The following IL11RA variants were observed in gnomAD, a reference collection of about 807,000 sequenced individuals.
IL11RA encodes interleukin-11 receptor subunit alpha.
Under a neutral mutation model 57.0 loss-of-function variants are expected in IL11RA, and 51 were observed. That is an observed-to-expected ratio of 0.89 (90% confidence interval 0.71 to 1.13). The LOEUF is 1.13. Ranked by LOEUF, IL11RA falls within the 50% of genes most tolerant of loss-of-function variation. The pLI is 0.00. For synonymous variants in IL11RA, 199 were observed against 217.5 expected, an observed-to-expected ratio of 0.91 and a Z score of 0.75; for missense variants, 498 against 539.4, an observed-to-expected ratio of 0.92 and a Z score of 0.76.
chr9:34,655,385 T>C (rs1821324428), intron 2 of IL11RA, 68 bp downstream of exon 2: 1 of 1,003,392 alleles, frequency 1.0e-6, no homozygotes, highest in African/African-American at 1.6e-5. Flanking sequence ...CTGTGGCCCC[T>C]TCCCATGCCT....
At chr9:34,655,472 G>T in intron 2 of IL11RA, 133 bp from the exon 3 acceptor site, 1 of 906,116 alleles carries the variant, frequency 1.1e-6, no homozygotes, top group Non-Finnish European at 1.8e-6. Flanking sequence ...TCTGTCTCCA[G>T]ATTATAACAT....
Position 34,655,833 on chromosome 9 carries a change from T to C in IL11RA, c.161+168T>C, listed in dbSNP as rs936386895. On this transcript the variant is annotated intron_variant, in intron 3 of 12. Coordinates refer to ENST00000441545, the MANE Select transcript of IL11RA (RefSeq NM_001142784.3). ...TATTCAACAGAAAATTCAACTGGTA[T>C]GTTTTGAGCATCTGCCAAGTGCCAG... 1.8e-5 allele frequency: 13 copies of C among 702,840 alleles called. No homozygotes were observed. In the African/African-American group the frequency reaches 1.9e-4, roughly 10 times the overall value. 43.5% of individuals were successfully genotyped at this position (702,840 alleles called of 1,614,324 possible). A position where few individuals can be genotyped will look rare whatever the true frequency, so the allele number is the denominator to read the frequency against.
intron 1 of IL11RA, among the ~76,000 whole-genome samples, chr9:34,654,748 A>T (rs1821309393): frequency 6.6e-6 from 1 of 152,128 alleles, no homozygotes; most frequent in South Asian, 2.1e-4. Context: ...CCAGGGTGAT[A>T]AGGTCTGCCT....
intron 3 of IL11RA, chr9:34,655,968 G>A (rs1050881781): frequency 4.6e-6 from 2 of 437,886 alleles, no homozygotes; most frequent in African/African-American, 4.0e-5. Context: ...AATCTTGCCA[G>A]ATAGTAATAC....
At chr9:34,656,651 C>T (rs1821348102) in intron 3 of IL11RA, 88 bp from the exon 4 acceptor site, 2 of 1,455,150 alleles carry the variant, frequency 1.4e-6, no homozygotes, top group Non-Finnish European at 1.9e-6. Flanking sequence ...ATTGCAAATG[C>T]AGTTAGAAGC....
In IL11RA at chr9:34,657,150, G is replaced by T. The variant is rs762377674; in HGVS notation, c.446+1G>T. On this transcript the variant is annotated splice_donor_variant, in intron 5 of 12. Coordinates refer to ENST00000441545, the MANE Select transcript of IL11RA (RefSeq NM_001142784.3). LOFTEE classifies it high-confidence loss of function. ...CCACCCGCTACCTCACCTCCTACAG[G>T]TGTGTGTGTGATTGGGTGTGGATGC... The T allele has an allele frequency of 1.9e-6, 3 of 1,610,416 alleles. No individual in the cohort carries two copies. In the South Asian group the frequency reaches 3.3e-5, roughly 18 times the overall value.
In IL11RA at chr9:34,656,926, G is replaced by T; in HGVS notation, c.331+18G>T. ...GCTGGGCTGTGAGTTGGGGAGGGTG[G>T]CACTGATGACACATAGGGATCCTGA... On this transcript the variant is annotated intron_variant, in intron 4 of 12. Coordinates refer to ENST00000441545, the MANE Select transcript of IL11RA (RefSeq NM_001142784.3). The T allele has an allele frequency of 6.2e-7, 1 of 1,613,930 alleles. No individual in the cohort carries two copies.
In IL11RA at chr9:34,658,390, C is replaced by A; in HGVS notation, c.647-130C>A. 3.2e-6 allele frequency: 3 copies of A among 944,938 alleles called. No homozygotes were observed. Among genetic ancestry groups the A allele is most frequent in the Non-Finnish European group, 3.4e-6 (2 of 587,150 alleles). The allele number at this position is 944,938 out of a possible 1,614,324, so 58.5% of individuals were successfully genotyped here. On this transcript the variant is annotated intron_variant, in intron 7 of 12. Transcript: ENST00000441545. This position sits in a 1 kb window ranked among gnomAD's most constrained non-coding sequence, Gnocchi z 4.0. ...GACCGGTCTGAGTCTAATGGATGAT[C>A]AAGTTTAAGATTTCCCCTCCCCTCT...
At position 34,661,565 on chromosome 9, in the gene IL11RA, G is replaced by A; in HGVS notation, c.*67G>A. 2 of 1,504,810 alleles carry A rather than the reference G, an allele frequency of 1.3e-6. No homozygotes were observed. The highest frequency in any genetic ancestry group is 1.9e-6 in the Non-Finnish European group (2 of 1,080,152). 93.2% of individuals were successfully genotyped at this position (1,504,810 alleles called of 1,614,324 possible). A position where few individuals can be genotyped will look rare whatever the true frequency, so the allele number is the denominator to read the frequency against. Reference sequence around the variant, plus strand: ...TCTTGCTGGTGTGGATAGAAACCAGGCAGGACAGTAGATCCCTATGGTTGG... The same window carrying A: ...TCTTGCTGGTGTGGATAGAAACCAGACAGGACAGTAGATCCCTATGGTTGG... On this transcript the variant is annotated 3_prime_UTR_variant, in exon 13 of 13. Coordinates refer to ENST00000441545, the MANE Select transcript of IL11RA (RefSeq NM_001142784.3).
At chr9:34,655,747 T>A (rs564997240) in intron 3 of IL11RA, 82 bp downstream of exon 3, 1 of 1,159,244 alleles carries the variant, frequency 8.6e-7, no homozygotes, top group East Asian at 2.4e-5. Flanking sequence ...GCCCCTCCCA[T>A]CCTTGCCCGC....
intron 11 of IL11RA, 43 bp downstream of exon 11, chr9:34,660,643 A>G (rs1222609359): frequency 8.1e-6 from 12 of 1,489,048 alleles, no homozygotes; most frequent in South Asian, 4.5e-5. Context: ...ATCCTCACAC[A>G]TGCTCTGATG....
At chr9:34,655,812 C>A in intron 3 of IL11RA, 147 bp downstream of exon 3, 2 of 749,482 alleles carry the variant, frequency 2.7e-6, no homozygotes, top group Non-Finnish European at 4.8e-6. Context: ...TATCCTTATT[C>A]AACAGAAAAT....
Position 34,658,214 on chromosome 9 carries a change from A to G in IL11RA, c.647-306A>G, listed in dbSNP as rs761715143. 3.9e-5 allele frequency among the ~76,000 whole-genome samples: 6 copies of G among 151,944 alleles called. No homozygotes were observed. Among genetic ancestry groups the G allele is most frequent in the Non-Finnish European group, 8.8e-5 (6 of 67,980 alleles). On this transcript the variant is annotated intron_variant, in intron 7 of 12. Transcript: ENST00000441545. The surrounding 1 kb of genome is among the most constrained non-coding windows in gnomAD (Gnocchi z 4.0). ...TGCCACCATGTCTGGTTAATTTTTA[A>G]AATTTTTTGTAGAGACAGGGTTTTG... is the stretch of plus-strand genomic sequence containing the variant.
rs11575589 is a variant in IL11RA at position 34,656,770 on chromosome 9, C to A, written c.193C>A (p.Pro65Thr). The A allele has an allele frequency of 1.0e-3, 1,673 of 1,614,164 alleles. 15 individuals carry two copies. The African/African-American group carries it at 0.02, about 20-fold the overall frequency. Residue 65 changes from proline to threonine, a missense_variant, in exon 4 of 13, where the codon CCA becomes ACA. Physicochemically the swap from Pro to Thr is conservative, Grantham distance 38 (BLOSUM62 -1). Coordinates refer to ENST00000441545, the MANE Select transcript of IL11RA (RefSeq NM_001142784.3). ...AGTGTCCTGGTTTCGGGATGGGGAGCCAAAGCTGCTCCAGGGACCTGACTC... is the reference window on the plus strand; with the variant it reads ...AGTGTCCTGGTTTCGGGATGGGGAGACAAAGCTGCTCCAGGGACCTGACTC... ...DPVSWFRDGEPKLLQGPDSGL... is the reference protein window; with the variant it reads ...DPVSWFRDGETKLLQGPDSGL...
chr9:34,660,956 G>C lies in IL11RA; in HGVS notation c.1252+20G>C. 1.3e-6 allele frequency: 2 copies of C among 1,563,824 alleles called. No individual in the cohort carries two copies. The highest frequency in any genetic ancestry group is 1.8e-6 in the Non-Finnish European group (2 of 1,137,984). On this transcript the variant is annotated intron_variant, in intron 12 of 12. Transcript: ENST00000441545. Reference sequence around the variant, plus strand: ...GTCCAGGTGAGTAGGACATCCAGAAGATTTGGACTTGGAGATGTTTGCCCC... The same window carrying C: ...GTCCAGGTGAGTAGGACATCCAGAACATTTGGACTTGGAGATGTTTGCCCC...
intron 3 of IL11RA, 73 bp downstream of exon 3, chr9:34,655,738 C>T (rs1464631387): frequency 2.4e-6 from 3 of 1,236,110 alleles, no homozygotes; most frequent in South Asian, 1.2e-5. Context: ...TCATGTCCCG[C>T]CCCTCCCATC....
intron 9 of IL11RA, 118 bp downstream of exon 9, chr9:34,660,018 C>T: frequency 7.4e-7 from 1 of 1,352,748 alleles, no homozygotes; most frequent in Non-Finnish European, 1.0e-6. Context: ...ACGGCAATTG[C>T]TGTCCCAGAC....
In IL11RA at chr9:34,653,256, G is replaced by A. The variant is rs1821284751; in HGVS notation, c.-1+1023G>A. 6.6e-6 allele frequency among the ~76,000 whole-genome samples: 1 copy of A among 152,224 alleles called. No individual in the cohort carries two copies. The highest frequency in any genetic ancestry group is 1.5e-5 in the Non-Finnish European group (1 of 68,046). ...TATGAATATGTGTAAGTGTGTCTGA[G>A]TCTGAGGCGGTGTGGCTGTGCCCGT... On this transcript the variant is annotated intron_variant, in intron 1 of 12. Transcript: ENST00000441545. The surrounding 1 kb of genome is among the most constrained non-coding windows in gnomAD (Gnocchi z 4.5).
intron 3 of IL11RA, 189 bp downstream of exon 3, chr9:34,655,854 G>A: frequency 1.5e-6 from 1 of 660,132 alleles, no homozygotes; most frequent in Non-Finnish European, 2.8e-6. Flanking sequence ...TCTGCCAAGT[G>A]CCAGGTCTAT....
Sources: allele counts gnomAD v4.1 joint callset (sites outside exome capture counted in the v4.1 genomes callset), GRCh38; gene constraint gnomAD v4.1.1; non-coding constraint Gnocchi (gnomAD v3.1); transcripts MANE v1.5; gene names NCBI Gene and HGNC (gene_info 2026-07-23, HGNC 2026-07-21).